The following CTDP1 variants were observed in gnomAD, a reference collection of about 807,000 sequenced individuals.
CTDP1 encodes the protein CTD phosphatase 1.
Under a neutral mutation model 91.8 loss-of-function variants are expected in CTDP1, and 47 were observed. The observed-to-expected ratio is 0.51, with a 90% confidence interval of 0.41 to 0.65. CTDP1 has a LOEUF of 0.65. CTDP1 is among the 30% of genes least tolerant of loss of function. The probability of loss-of-function intolerance (pLI) is 0.00; values close to 1 mark genes in which losing one functional copy is unlikely to be tolerated. For missense variants in CTDP1, 1,272 were observed against 1,373.7 expected (o/e 0.93, Z 1.17); for synonymous variants, 656 against 598.5 (o/e 1.10, Z -1.40).
intron 10 of CTDP1, among the ~76,000 whole-genome samples, chr18:79,726,797 A>C (rs118157019): frequency 5.2e-5 from 2 of 38,790 alleles, no homozygotes; most frequent in East Asian, 1.9e-3. Flanking sequence ...CTGTGGGGGA[A>C]GGGGGTGACG....
chr18:79,712,307 G>T (rs146206459), intron 6 of CTDP1, among the ~76,000 whole-genome samples: 1 of 152,182 alleles, frequency 6.6e-6, no homozygotes, highest in East Asian at 1.9e-4. Flanking sequence ...TTTTTGAGAC[G>T]GTCTGGCTCG....
At chr18:79,745,339 C>G (rs1259875151) in intron 12 of CTDP1, among the ~76,000 whole-genome samples, 100 of 91,826 alleles carry the variant, frequency 1.1e-3, no homozygotes, top group African/African-American at 4.8e-3. Flanking sequence ...CGTGCGCGTT[C>G]TGTGCCCGCG....
chr18:79,694,611 C>G (rs2085708965), intron 1 of CTDP1, among the ~76,000 whole-genome samples: 1 of 150,306 alleles, frequency 6.7e-6, no homozygotes, highest in South Asian at 2.1e-4. Context: ...GCGGTCGGAG[C>G]AGCCCGGCTG....
chr18:79,710,686 A>ATTTTTTTTTTTTTTTT (rs11306504), intron 6 of CTDP1, among the ~76,000 whole-genome samples: 1 of 88,504 alleles, frequency 1.1e-5, no homozygotes, highest in Non-Finnish European at 2.0e-5. Context: ...TCGCCCGGCA[A>ATTTTTTTTTTTTTTTT]TTTTTTTTTT....
rs867733824 is a variant in CTDP1 at position 79,694,180 on chromosome 18, C to A, written c.315-1045C>A. Among the ~76,000 whole-genome samples the A allele has an allele frequency of 2.0e-5, 3 of 146,370 alleles. No homozygotes were observed. In the East Asian group the frequency reaches 6.1e-4, roughly 30 times the overall value. On this transcript the variant is annotated intron_variant, in intron 1 of 12. Coordinates refer to ENST00000613122, the MANE Select transcript of CTDP1 (RefSeq NM_004715.5). ...TGTGGGGGCTGTGAGCACCTAGGGG[C>A]GGGTGCTGAGTGCTGGGCGGCCTCA...
At chr18:79,681,319 TG>T (rs1260293203) in intron 1 of CTDP1, 19 of 277,742 alleles carry the variant, frequency 6.8e-5, no homozygotes, top group Non-Finnish European at 1.0e-4. Flanking sequence ...TGGGTGGGGC[TG>T]GGAGGTTCAG....
intron 12 of CTDP1, among the ~76,000 whole-genome samples, chr18:79,743,125 G>A (rs2086811426): frequency 6.6e-6 from 1 of 152,236 alleles, no homozygotes; most frequent in African/African-American, 2.4e-5. Flanking sequence ...TGCTGAACAA[G>A]AAGGTTGGTC....
At position 79,680,228 on chromosome 18, in the gene CTDP1, TGTGCGCGCAGCCGGGCCAG is replaced by T; in HGVS notation, c.285_303del (p.Cys95TrpfsTer9). ...GAGCGCGCGGGCGTGGTGCGGGAGC[TGTGCGCGCAGCCGGGCCAG>T]GTGGTCGCCCCAGGGTGAGTGTGCT... On this transcript the variant is annotated frameshift_variant, in exon 1 of 13. Coordinates refer to ENST00000613122, the MANE Select transcript of CTDP1 (RefSeq NM_004715.5). LOFTEE classifies it high-confidence loss of function. The T allele has an allele frequency of 7.4e-7, 1 of 1,350,862 alleles. No homozygotes were observed. Among genetic ancestry groups the T allele is most frequent in the Non-Finnish European group, 9.4e-7 (1 of 1,058,704 alleles). 83.7% of individuals were successfully genotyped at this position (1,350,862 alleles called of 1,614,324 possible).
intron 5 of CTDP1, among the ~76,000 whole-genome samples, chr18:79,705,195 C>T (rs941041016): frequency 6.6e-6 from 1 of 152,100 alleles, no homozygotes; most frequent in African/African-American, 2.4e-5. Context: ...CTGCGAGCGT[C>T]CTCCGACAGA....
chr18:79,692,361 A>T (rs1402220210), intron 1 of CTDP1, among the ~76,000 whole-genome samples: 1 of 152,040 alleles, frequency 6.6e-6, no homozygotes, highest in Admixed American at 6.5e-5. Context: ...CCTCTGTTCC[A>T]TGCGTTTATG....
chr18:79,735,909 A>C (rs1345121573), intron 11 of CTDP1: 2 of 206,838 alleles, frequency 9.7e-6, no homozygotes, highest in Non-Finnish European at 2.0e-5. Context: ...TGGCACGGCC[A>C]CGTCTCCACC....
intron 12 of CTDP1, among the ~76,000 whole-genome samples, chr18:79,740,698 C>T (rs1212298983): frequency 6.6e-6 from 1 of 152,148 alleles, no homozygotes; most frequent in Non-Finnish European, 1.5e-5. Context: ...GTCAGTTGAA[C>T]TTGAAAATGA....
chr18:79,714,940 G>T lies in CTDP1; in HGVS notation c.1480G>T (p.Ala494Ser). The T allele has an allele frequency of 6.4e-7, 1 of 1,563,232 alleles. No homozygotes were observed. The highest frequency in any genetic ancestry group is 8.7e-7 in the Non-Finnish European group (1 of 1,154,000). ...GAAGCCGAAGGCTGCCCCAGAGGGAGCCGGGGCGCTGGCACAGGGCAGTTC... is the reference window on the plus strand; with the variant it reads ...GAAGCCGAAGGCTGCCCCAGAGGGATCCGGGGCGCTGGCACAGGGCAGTTC... ...RQKPKAAPEG[A>S]GALAQGSSLE... is the part of the protein sequence containing the mutation. Residue 494 changes from alanine (A) to serine (S), a missense_variant, in exon 8 of 13, where the codon GCC becomes TCC. Coordinates refer to ENST00000613122, the MANE Select transcript of CTDP1 (RefSeq NM_004715.5).
chr18:79,686,926 G>A (rs911389651), intron 1 of CTDP1, among the ~76,000 whole-genome samples: 19 of 149,584 alleles, frequency 1.3e-4, no homozygotes, highest in Admixed American at 1.1e-3. Context: ...CGCAGCAGTT[G>A]GCTTCTCCAG....
upstream of CTDP1, chr18:79,679,276 C>A (rs1302100400): frequency 2.6e-5 from 10 of 391,030 alleles, no homozygotes; most frequent in Non-Finnish European, 4.7e-5. Context: ...GCTCCCGCGG[C>A]GTGGGGTCCG....
upstream of CTDP1, among the ~76,000 whole-genome samples, chr18:79,676,776 T>C (rs985660467): frequency 6.6e-6 from 1 of 152,246 alleles, no homozygotes; most frequent in Non-Finnish European, 1.5e-5. Context: ...GCTTATGCTA[T>C]TTTTCCTGAC....
rs770739531 is a variant in CTDP1, at chr18:79,697,928, G to A, written c.561G>A (p.Val187=). Residue 187 remains valine, a synonymous_variant, in exon 4 of 13, where the codon GTG becomes GTA. Coordinates refer to ENST00000613122, the MANE Select transcript of CTDP1 (RefSeq NM_004715.5). ...LHRNRKLVLM[V]DLDQTLIHTT... is the part of the protein sequence containing the mutation. ...GAAACCGGAAGCTGGTGCTCATGGT[G>A]GACTTGGACCAGACGTTGATTCACA... is the stretch of plus-strand genomic sequence containing the variant. The A allele has an allele frequency of 2.5e-6, 4 of 1,614,104 alleles. No individual in the cohort carries two copies. The African/African-American group carries it at 5.3e-5, about 22-fold the overall frequency.
At chr18:79,706,156 G>A (rs1415353758) in intron 5 of CTDP1, among the ~76,000 whole-genome samples, 2 of 152,186 alleles carry the variant, frequency 1.3e-5, no homozygotes, top group Non-Finnish European at 2.9e-5. Flanking sequence ...TGGGAGCTGC[G>A]GGAAATGCAG....
chr18:79,704,351 C>T lies in CTDP1; in HGVS notation c.622-416C>T, dbSNP rs2085919660. On this transcript the variant is annotated intron_variant, in intron 4 of 12. Coordinates refer to ENST00000613122, the MANE Select transcript of CTDP1 (RefSeq NM_004715.5). ...GGGTGCAAACGCATCCTCTGTCCCACGTGGAGTGGTGTGTCCACACGCATG... is the reference window on the plus strand; with the variant it reads ...GGGTGCAAACGCATCCTCTGTCCCATGTGGAGTGGTGTGTCCACACGCATG... 3.3e-5 allele frequency among the ~76,000 whole-genome samples: 5 copies of T among 151,872 alleles called. No homozygotes were observed. In the South Asian group the frequency reaches 8.3e-4, roughly 25 times the overall value.
Sources: allele counts gnomAD v4.1 joint callset (sites outside exome capture counted in the v4.1 genomes callset), GRCh38; gene constraint gnomAD v4.1.1; transcripts MANE v1.5; gene names NCBI Gene and HGNC (gene_info 2026-07-23, HGNC 2026-07-21).